GRID1: variants seen among roughly 807,000 people sequenced by gnomAD.
GRID1 encodes the protein glutamate receptor ionotropic, delta-1.
Under a neutral mutation model 98.0 loss-of-function variants are expected in GRID1, and 28 were observed. The observed-to-expected ratio is 0.29, with a 90% CI of 0.21 to 0.39. The LOEUF (loss-of-function observed/expected upper bound fraction) is 0.39, where lower values mean the gene tolerates loss of function less well. Ranked by LOEUF, GRID1 falls within the 10% of genes least tolerant of loss-of-function variation. GRID1 has a pLI of 1.00. For missense variants in GRID1, 1,111 were observed against 1,340.5 expected (o/e 0.83, Z 2.67); for synonymous variants, 553 against 538.5 (o/e 1.03, Z -0.37).
intron 2 of GRID1, among the ~76,000 whole-genome samples, chr10:86,271,809 A>G (rs1038677027): frequency 2.6e-5 from 4 of 152,232 alleles, no homozygotes; most frequent in Non-Finnish European, 1.5e-5. Flanking sequence ...GGTCTAACAT[A>G]TGTGTAACTG....
At chr10:85,901,898 C>T (rs1489039821) in intron 5 of GRID1, among the ~76,000 whole-genome samples, 1 of 152,112 alleles carries the variant, frequency 6.6e-6, no homozygotes, top group Non-Finnish European at 1.5e-5. Flanking sequence ...AATGTTAAAT[C>T]TCATAGGTTC....
chr10:86,221,338 A>G (rs1846251382), intron 2 of GRID1, among the ~76,000 whole-genome samples: 1 of 152,314 alleles, frequency 6.6e-6, no homozygotes, highest in East Asian at 1.9e-4. Context: ...TCTAGCCATA[A>G]TAGACAGATT....
chr10:85,731,696 G>C (rs1841824625), intron 8 of GRID1, among the ~76,000 whole-genome samples: 2 of 151,726 alleles, frequency 1.3e-5, no homozygotes, highest in Non-Finnish European at 2.9e-5. Flanking sequence ...CAGCTATTTG[G>C]GAGGCTGAGG....
chr10:85,648,165 G>A (rs1350058023), intron 12 of GRID1: 2 of 152,228 alleles, frequency 1.3e-5, no homozygotes, highest in Non-Finnish European at 1.5e-5. Flanking sequence ...GGAGTGGCAG[G>A]TGGCTCCAGC....
chr10:85,961,454 C>T lies in GRID1; in HGVS notation c.727-45215G>A, dbSNP rs571018775. 7.2e-5 allele frequency among the ~76,000 whole-genome samples: 11 copies of T among 152,212 alleles called. No homozygotes were observed. In the South Asian group the frequency reaches 2.1e-3, roughly 29 times the overall value. The stretch of plus-strand genomic sequence containing the variant: ...CCCGCCACTTGGGTCCTGAGGCAAA[C>T]GAAATCAACTGGCTTGTGTCCAAAG... On this transcript the variant is annotated intron_variant, in intron 4 of 15. Coordinates refer to ENST00000327946, the MANE Select transcript of GRID1 (RefSeq NM_017551.3).
intron 4 of GRID1, among the ~76,000 whole-genome samples, chr10:86,027,247 T>C (rs1036008849): frequency 3.3e-5 from 5 of 152,208 alleles, no homozygotes; most frequent in African/African-American, 1.2e-4. Flanking sequence ...TAGCAGTCAC[T>C]CTCCATTTTT....
intron 4 of GRID1, among the ~76,000 whole-genome samples, chr10:86,034,954 ATAGATGGT>A (rs1348630544): frequency 4.0e-5 from 6 of 150,334 alleles, no homozygotes; most frequent in African/African-American, 1.5e-4. Context: ...GGATGGATGG[ATAGATGGT>A]TGGATGGATG....
intron 8 of GRID1, among the ~76,000 whole-genome samples, chr10:85,830,050 T>A (rs756388611): frequency 2.0e-5 from 3 of 152,178 alleles, no homozygotes; most frequent in Non-Finnish European, 4.4e-5. Flanking sequence ...ATTACCTGAC[T>A]TCAAACTATA....
intron 4 of GRID1, among the ~76,000 whole-genome samples, chr10:86,010,648 C>T (rs1402534033): frequency 2.6e-5 from 4 of 151,900 alleles, no homozygotes; most frequent in Non-Finnish European, 5.9e-5. Context: ...GAAACTCCAT[C>T]TCTACTAAAA....
chr10:85,736,050 G>A (rs985996978), intron 8 of GRID1, among the ~76,000 whole-genome samples: 3 of 137,680 alleles, frequency 2.2e-5, no homozygotes. Flanking sequence ...AGGGAGAAAG[G>A]AAAGAAGGAA....
chr10:85,859,932 G>T (rs1843149335), intron 6 of GRID1, among the ~76,000 whole-genome samples: 1 of 152,120 alleles, frequency 6.6e-6, no homozygotes, highest in South Asian at 2.1e-4. Context: ...TTATGCTTGG[G>T]GCCCTCTCCA....
intron 2 of GRID1, among the ~76,000 whole-genome samples, chr10:86,346,946 A>G (rs1848392537): frequency 6.6e-6 from 1 of 152,164 alleles, no homozygotes; most frequent in South Asian, 2.1e-4. Context: ...GCAGCTACAT[A>G]GTGAGGGCTA....
At chr10:85,819,567 G>A (rs185465350) in intron 8 of GRID1, among the ~76,000 whole-genome samples, 1 of 152,254 alleles carries the variant, frequency 6.6e-6, no homozygotes, top group Admixed American at 6.5e-5. Context: ...AATGAGAAGG[G>A]TACCAGGTGG....
chr10:85,715,557 T>C (rs1356213161), intron 12 of GRID1, among the ~76,000 whole-genome samples: 1 of 152,084 alleles, frequency 6.6e-6, no homozygotes, highest in East Asian at 1.9e-4. Context: ...AGGACCTGAA[T>C]AGACATTTCT....
chr10:85,734,083 G>A lies in GRID1; in HGVS notation c.1234-4469C>T, dbSNP rs555637824. Among the ~76,000 whole-genome samples, 4 of 152,232 alleles carry A rather than the reference G, an allele frequency of 2.6e-5. No homozygotes were observed. In the East Asian group the frequency reaches 7.7e-4, roughly 29 times the overall value. On this transcript the variant is annotated intron_variant, in intron 8 of 15. Transcript: ENST00000327946. ...GTCAAATTACCTGTCAGTATGTCAA[G>A]GCCAATCTGAGAGTCAGAACCCAAT...
chr10:85,629,480 G>A (rs1356554551), intron 13 of GRID1, among the ~76,000 whole-genome samples: 1 of 151,384 alleles, frequency 6.6e-6, no homozygotes, highest in Admixed American at 6.6e-5. Context: ...GAGAACATGT[G>A]GTATTTGATT....
intron 12 of GRID1, among the ~76,000 whole-genome samples, chr10:85,693,639 C>T (rs1841357873): frequency 6.6e-6 from 1 of 152,112 alleles, no homozygotes; most frequent in Non-Finnish European, 1.5e-5. Context: ...CACATATCTA[C>T]ATCCAACTGA....
At chr10:86,186,064 G>T (rs1845721828) in intron 3 of GRID1, among the ~76,000 whole-genome samples, 1 of 152,150 alleles carries the variant, frequency 6.6e-6, no homozygotes, top group Non-Finnish European at 1.5e-5. Context: ...CTTTCTCTGA[G>T]GTTTTTAAAC....
intron 2 of GRID1, among the ~76,000 whole-genome samples, chr10:86,333,708 T>A (rs373170013): frequency 1.3e-5 from 2 of 152,244 alleles, no homozygotes; most frequent in African/African-American, 4.8e-5. Flanking sequence ...TATACTGTAT[T>A]CTTACAATAA....
Sources: allele counts gnomAD v4.1 joint callset (sites outside exome capture counted in the v4.1 genomes callset), GRCh38; gene constraint gnomAD v4.1.1; transcripts MANE v1.5; gene names NCBI Gene and HGNC (gene_info 2026-07-23, HGNC 2026-07-21).